Variants in CSMD1 observed in about 807,000 individuals in gnomAD.
The protein encoded by CSMD1 is CUB and Sushi multiple domains 1, also known as CUB and sushi domain-containing protein 1.
A neutral mutation model predicts 417.5 loss-of-function variants in CSMD1; 213 were observed. The observed-to-expected ratio is 0.51, with a 90% CI of 0.46 to 0.57. The LOEUF (loss-of-function observed/expected upper bound fraction) is 0.57. CSMD1 is among the 20% of genes least tolerant of loss of function. The probability of loss-of-function intolerance (pLI) is 0.00; values close to 1 mark genes in which losing one functional copy is unlikely to be tolerated. For synonymous variants in CSMD1, 2,862 were observed against 1,736.8 expected, an observed-to-expected ratio of 1.65 and a Z score of -16.11; for missense variants, 6,923 against 4,529.7, an observed-to-expected ratio of 1.53 and a Z score of -15.17.
rs370682069 is a variant in CSMD1 at position 4,452,532 on chromosome 8, T to G, written c.303-32467A>C. ...AATTTTAGTTCATTAACTCAACAAT[T>G]ATAAAAATAATTCACTTTTTCCAAT... On this transcript the variant is annotated intron_variant, in intron 2 of 69. Coordinates refer to ENST00000635120, the MANE Select transcript of CSMD1 (RefSeq NM_033225.6). Among the ~76,000 whole-genome samples, 15 of 152,342 alleles carry G rather than the reference T, an allele frequency of 9.8e-5. No individual in the cohort carries two copies. The East Asian group carries it at 1.7e-3, about 18-fold the overall frequency.
chr8:4,869,416 T>C (rs1478053830), intron 1 of CSMD1, among the ~76,000 whole-genome samples: 1 of 152,062 alleles, frequency 6.6e-6, no homozygotes, highest in Non-Finnish European at 1.5e-5. Context: ...TGACTTTCAC[T>C]TACCAAATAT....
At chr8:4,041,242 C>T (rs917686954) in intron 3 of CSMD1, among the ~76,000 whole-genome samples, 2 of 152,018 alleles carry the variant, frequency 1.3e-5, no homozygotes, top group African/African-American at 2.4e-5. Context: ...TGGTCACGAT[C>T]TCCTGACCTC....
intron 7 of CSMD1, among the ~76,000 whole-genome samples, chr8:3,656,155 G>A (rs1293714035): frequency 1.3e-5 from 2 of 152,136 alleles, no homozygotes; most frequent in African/African-American, 2.4e-5. Flanking sequence ...CTTTAGGAAG[G>A]GCTGTATGTA....
chr8:4,821,399 G>T (rs912176208), intron 1 of CSMD1, among the ~76,000 whole-genome samples: 1 of 152,104 alleles, frequency 6.6e-6, no homozygotes, highest in Non-Finnish European at 1.5e-5. Context: ...AGCAAACCTA[G>T]ATTTTTCTTC....
chr8:4,057,940 T>G (rs1264298699), intron 3 of CSMD1, among the ~76,000 whole-genome samples: 1 of 151,146 alleles, frequency 6.6e-6, no homozygotes, highest in Non-Finnish European at 1.5e-5. Context: ...CCTGTAGCCT[T>G]GTAGCATAGT....
chr8:3,196,183 T>A (rs1401336401), intron 33 of CSMD1, among the ~76,000 whole-genome samples: 1 of 151,978 alleles, frequency 6.6e-6, no homozygotes, highest in Non-Finnish European at 1.5e-5. Context: ...TAAAAGACAC[T>A]CCCACCAGCA....
intron 1 of CSMD1, among the ~76,000 whole-genome samples, chr8:4,898,836 G>C (rs998217806): frequency 6.6e-6 from 1 of 152,038 alleles, no homozygotes; most frequent in Non-Finnish European, 1.5e-5. Context: ...GTTGTGGCAG[G>C]ACAGAAATGA....
At chr8:3,463,728 C>A (rs1293591058) in intron 12 of CSMD1, among the ~76,000 whole-genome samples, 3 of 152,200 alleles carry the variant, frequency 2.0e-5, no homozygotes, top group African/African-American at 7.2e-5. Flanking sequence ...CTGGGTAACT[C>A]ATGCCAGTAC....
At chr8:3,878,454 A>G (rs1482924223) in intron 5 of CSMD1, among the ~76,000 whole-genome samples, 1 of 152,210 alleles carries the variant, frequency 6.6e-6, no homozygotes, top group Non-Finnish European at 1.5e-5. Context: ...TTTCCAGTGT[A>G]AACATGAACA....
At chr8:3,713,260 T>C (rs1801630887) in intron 6 of CSMD1, among the ~76,000 whole-genome samples, 1 of 152,216 alleles carries the variant, frequency 6.6e-6, no homozygotes, top group Non-Finnish European at 1.5e-5. Flanking sequence ...CACTATAATC[T>C]CTAAGTGGTT....
chr8:4,828,989 A>G (rs1284015214), intron 1 of CSMD1, among the ~76,000 whole-genome samples: 2 of 152,212 alleles, frequency 1.3e-5, no homozygotes, highest in Admixed American at 1.3e-4. Context: ...ATGATTATTT[A>G]TCAAAACTGC....
In CSMD1 at chr8:4,494,227, A is replaced by C. The variant is rs188058769; in HGVS notation, c.303-74162T>G. Among the ~76,000 whole-genome samples, 559 of 152,316 alleles carry C rather than the reference A, an allele frequency of 3.7e-3. 2 individuals carry two copies. Among genetic ancestry groups the C allele is most frequent in the African/African-American group, 0.013 (538 of 41,574 alleles). On this transcript the variant is annotated intron_variant, in intron 2 of 69. Transcript: ENST00000635120. ...GCTCTATCTTCCTTACCAAAAACAGATTTCCATGTAAACTGAACAAACGTA... is the reference window on the plus strand; with the variant it reads ...GCTCTATCTTCCTTACCAAAAACAGCTTTCCATGTAAACTGAACAAACGTA...
chr8:3,039,612 T>C (rs904729840), intron 50 of CSMD1, among the ~76,000 whole-genome samples: 2 of 152,068 alleles, frequency 1.3e-5, no homozygotes, highest in African/African-American at 4.8e-5. Context: ...TGTACTAACC[T>C]GAGGAGGCAT....
At chr8:4,198,454 T>C (rs1014324830) in intron 3 of CSMD1, among the ~76,000 whole-genome samples, 4 of 152,050 alleles carry the variant, frequency 2.6e-5, no homozygotes, top group African/African-American at 9.7e-5. Flanking sequence ...TTAGGTAAAA[T>C]ATGGATTTGG....
intron 26 of CSMD1, among the ~76,000 whole-genome samples, chr8:3,245,356 G>A (rs1799808412): frequency 6.6e-6 from 1 of 152,164 alleles, no homozygotes; most frequent in African/African-American, 2.4e-5. Flanking sequence ...AAACAAAAGT[G>A]AGAGGCTGAA....
chr8:3,433,054 T>A (rs1054814421), intron 12 of CSMD1, among the ~76,000 whole-genome samples: 2 of 152,220 alleles, frequency 1.3e-5, no homozygotes, highest in African/African-American at 2.4e-5. Context: ...TTGAAAACTG[T>A]GTCATAGCAA....
chr8:4,757,610 T>C (rs138255491), intron 1 of CSMD1, among the ~76,000 whole-genome samples: 5 of 152,288 alleles, frequency 3.3e-5, no homozygotes, highest in African/African-American at 7.2e-5. Context: ...CTCTACCAAG[T>C]TGGATTATGT....
intron 1 of CSMD1, among the ~76,000 whole-genome samples, chr8:4,882,195 C>A (rs953089892): frequency 1.3e-5 from 2 of 151,942 alleles, no homozygotes; most frequent in Non-Finnish European, 2.9e-5. Flanking sequence ...CGGTGGTGTA[C>A]ACTGCGTGGT....
At chr8:4,717,310 CAT>C (rs377764710) in intron 1 of CSMD1, among the ~76,000 whole-genome samples, 74 of 136,876 alleles carry the variant, frequency 5.4e-4, no homozygotes, top group Non-Finnish European at 4.7e-4. Context: ...TCTCTCTCTC[CAT>C]ATATATATAT....
Sources: gnomAD v4.1 joint callset for allele counts (sites outside exome capture counted in the v4.1 genomes callset) on GRCh38, gnomAD v4.1.1 for gene constraint, MANE v1.5 for transcripts, NCBI Gene and HGNC (gene_info 2026-07-23, HGNC 2026-07-21) for gene names.